The following KAZN variants were observed in gnomAD, a reference collection of about 807,000 sequenced individuals.
The protein encoded by KAZN is kazrin, periplakin interacting protein.
KAZN carries 40 observed loss-of-function variants against 87.4 expected under a neutral mutation model. The observed-to-expected ratio is 0.46, with a 90% CI of 0.36 to 0.60. The LOEUF is 0.60. Ranked by LOEUF, KAZN falls within the 20% of genes least tolerant of loss-of-function variation. The pLI is 0.00. For synonymous variants in KAZN, 466 were observed against 458.3 expected (o/e 1.02, Z -0.22); for missense variants, 898 against 1,073.9 (o/e 0.84, Z 2.29).
intron 2 of KAZN, among the ~76,000 whole-genome samples, chr1:14,445,332 T>C (rs957864514): frequency 6.6e-6 from 1 of 152,030 alleles, no homozygotes; most frequent in Non-Finnish European, 1.5e-5. Flanking sequence ...GGCCAACTGG[T>C]GTGCTTTTAA....
intron 2 of KAZN, among the ~76,000 whole-genome samples, chr1:14,241,933 C>T (rs888937805): frequency 6.6e-6 from 1 of 152,188 alleles, no homozygotes; most frequent in Non-Finnish European, 1.5e-5. Flanking sequence ...GCCAAACCTC[C>T]TTACTTGCAG....
intron 1 of KAZN, among the ~76,000 whole-genome samples, chr1:14,617,538 G>T (rs375270096): frequency 6.6e-6 from 1 of 152,168 alleles, no homozygotes; most frequent in South Asian, 2.1e-4. Context: ...TCTACGAAGC[G>T]CAGTAAAACA....
At chr1:13,900,372 T>A (rs779046716) in intron 1 of KAZN, among the ~76,000 whole-genome samples, 2 of 152,070 alleles carry the variant, frequency 1.3e-5, no homozygotes, top group Non-Finnish European at 2.9e-5. Flanking sequence ...AGGTAAAGTA[T>A]CCCCTACCAG....
chr1:14,960,545 G>A lies in KAZN; in HGVS notation c.227-139G>A, dbSNP rs76384640. On this transcript the variant is annotated intron_variant, in intron 1 of 14. Coordinates refer to ENST00000376030, the MANE Select transcript of KAZN (RefSeq NM_201628.3). The stretch of plus-strand genomic sequence containing the variant: ...CTGAGGCTCTTTGGAATAAGGCAGT[G>A]GCCTCCCTTCACACATGTAGGAAAG... 4.5e-4 allele frequency: 373 copies of A among 837,452 alleles called. 2 individuals are homozygous for A. The East Asian group carries it at 0.01, about 23-fold the overall frequency. 51.9% of individuals were successfully genotyped at this position (837,452 alleles called of 1,614,324 possible). A position where few individuals can be genotyped will look rare whatever the true frequency, so the allele number is the denominator to read the frequency against.
chr1:14,447,020 T>C (rs953649246), intron 2 of KAZN, among the ~76,000 whole-genome samples: 1 of 152,134 alleles, frequency 6.6e-6, no homozygotes, highest in African/African-American at 2.4e-5. Flanking sequence ...TTAGTGAGCA[T>C]AGTATGTGAT....
intron 2 of KAZN, among the ~76,000 whole-genome samples, chr1:14,532,294 C>A (rs562066891): frequency 6.6e-6 from 1 of 152,042 alleles, no homozygotes; most frequent in South Asian, 2.1e-4. Context: ...ACCCCAGACC[C>A]GCCCTCACTC....
chr1:14,249,080 C>T (rs531110923), intron 2 of KAZN, among the ~76,000 whole-genome samples: 1 of 152,288 alleles, frequency 6.6e-6, no homozygotes, highest in East Asian at 1.9e-4. Flanking sequence ...TGATTTACAT[C>T]CTGCCTGCTA....
chr1:14,281,618 C>T (rs563096498), intron 2 of KAZN, among the ~76,000 whole-genome samples: 1 of 152,170 alleles, frequency 6.6e-6, no homozygotes. Context: ...CCTTCCTTCT[C>T]CCACCTTATC....
At chr1:14,256,010 T>C (rs1268498771) in intron 2 of KAZN, among the ~76,000 whole-genome samples, 1 of 152,182 alleles carries the variant, frequency 6.6e-6, no homozygotes, top group African/African-American at 2.4e-5. Flanking sequence ...AATTGGAGAC[T>C]CTCTGTCGCA....
At chr1:15,043,098 C>T (rs1181338415) in intron 3 of KAZN, among the ~76,000 whole-genome samples, 1 of 152,174 alleles carries the variant, frequency 6.6e-6, no homozygotes, top group Non-Finnish European at 1.5e-5. Flanking sequence ...GAGGGCCAGC[C>T]TGGGGAGGGG....
At chr1:14,447,080 C>T (rs986402455) in intron 2 of KAZN, among the ~76,000 whole-genome samples, 6 of 151,952 alleles carry the variant, frequency 3.9e-5, no homozygotes, top group South Asian at 2.1e-4. Flanking sequence ...CCAAGTAGTT[C>T]GCAGTGTGTA....
chr1:14,197,530 A>G (rs1277179541), intron 2 of KAZN, among the ~76,000 whole-genome samples: 1 of 152,116 alleles, frequency 6.6e-6, no homozygotes, highest in Non-Finnish European at 1.5e-5. Context: ...TCTACTAAAA[A>G]TACAAAAATT....
intron 2 of KAZN, among the ~76,000 whole-genome samples, chr1:14,249,391 GA>G (rs2100606257): frequency 6.6e-6 from 1 of 152,312 alleles, no homozygotes; most frequent in South Asian, 2.1e-4. Flanking sequence ...ATTATTCAGA[GA>G]AATTATCGTC....
intron 2 of KAZN, among the ~76,000 whole-genome samples, chr1:14,200,700 T>C (rs976597550): frequency 2.6e-5 from 4 of 152,188 alleles, no homozygotes; most frequent in African/African-American, 2.4e-5. Flanking sequence ...GCATATATCT[T>C]GTCCTGTATT....
chr1:14,085,909 C>A (rs1338030545), intron 1 of KAZN, among the ~76,000 whole-genome samples: 3 of 152,112 alleles, frequency 2.0e-5, no homozygotes, highest in African/African-American at 7.2e-5. Flanking sequence ...CACATTCCCC[C>A]CAATACTTTT....
chr1:15,112,590 GTCT>G, intron 14 of KAZN, 49 bp downstream of exon 14: 1 of 1,264,852 alleles, frequency 7.9e-7, no homozygotes, highest in Non-Finnish European at 1.1e-6. Context: ...CCCGGGAAAG[GTCT>G]TTTTTTCTCC....
chr1:13,923,311 C>T (rs140616426), intron 1 of KAZN, among the ~76,000 whole-genome samples: 2 of 152,038 alleles, frequency 1.3e-5, no homozygotes, highest in Non-Finnish European at 2.9e-5. Context: ...TGGTGGCTCA[C>T]GCCTGTAATC....
In KAZN at chr1:14,633,888, A is replaced by C. The variant is rs545890475; in HGVS notation, c.226+34665A>C. Among the ~76,000 whole-genome samples, 691 of 149,496 alleles carry C rather than the reference A, an allele frequency of 4.6e-3. 4 individuals carry two copies. Among genetic ancestry groups the C allele is most frequent in the African/African-American group, 0.015 (583 of 40,080 alleles). On this transcript the variant is annotated intron_variant, in intron 1 of 14. Transcript: ENST00000376030. Reference sequence around the variant, plus strand: ...GCGCACTCTCTCTCTCTCTCTCTATATATATATATTTATTTAAAGGCTGAC... The same window carrying C: ...GCGCACTCTCTCTCTCTCTCTCTATCTATATATATTTATTTAAAGGCTGAC...
intron 1 of KAZN, among the ~76,000 whole-genome samples, chr1:14,940,465 C>A (rs1227611950): frequency 6.6e-6 from 1 of 152,242 alleles, no homozygotes; most frequent in East Asian, 1.9e-4. Context: ...AAGACAGCCA[C>A]CATGGCACGG....
Sources: gnomAD v4.1 joint callset for allele counts (sites outside exome capture counted in the v4.1 genomes callset) on GRCh38, gnomAD v4.1.1 for gene constraint, MANE v1.5 for transcripts, NCBI Gene and HGNC (gene_info 2026-07-23, HGNC 2026-07-21) for gene names.